LDB2: variants seen among roughly 807,000 people sequenced by gnomAD.
The protein encoded by LDB2 is LIM domain binding 2.
A neutral mutation model predicts 44.3 loss-of-function variants in LDB2; 12 were observed. That is an observed-to-expected ratio of 0.27 (90% CI 0.17 to 0.44). The LOEUF (loss-of-function observed/expected upper bound fraction) is 0.44, where lower values mean the gene tolerates loss of function less well. LDB2 is among the 20% of genes least tolerant of loss of function. The pLI is 1.00. For synonymous variants in LDB2, 164 were observed against 174.8 expected (o/e 0.94, Z 0.49); for missense variants, 344 against 473.5 (o/e 0.73, Z 2.54).
intron 2 of LDB2, among the ~76,000 whole-genome samples, chr4:16,733,354 A>G (rs1463412968): frequency 1.3e-5 from 1 of 78,842 alleles, no homozygotes; most frequent in Non-Finnish European, 3.6e-5. Context: ...AAGAATTTGG[A>G]AAAAAAAAAA....
At chr4:16,837,634 A>G (rs1186460970) in intron 1 of LDB2, among the ~76,000 whole-genome samples, 1 of 152,214 alleles carries the variant, frequency 6.6e-6, no homozygotes, top group Non-Finnish European at 1.5e-5. Context: ...TAGCCCAACC[A>G]ACACCCAACA....
intron 2 of LDB2, among the ~76,000 whole-genome samples, chr4:16,673,250 A>G (rs546834294): frequency 1.1e-4 from 17 of 152,372 alleles, no homozygotes; most frequent in African/African-American, 2.6e-4. Flanking sequence ...TCAGCCAGAC[A>G]TCTTACCTTC....
At chr4:16,516,030 A>AT (rs1413476001) in intron 5 of LDB2, among the ~76,000 whole-genome samples, 1 of 151,642 alleles carries the variant, frequency 6.6e-6, no homozygotes, top group Non-Finnish European at 1.5e-5. Flanking sequence ...CGCCCAGCTA[A>AT]TTTTTTGTAT....
At chr4:16,541,137 G>A (rs141990537) in intron 5 of LDB2, among the ~76,000 whole-genome samples, 9 of 152,258 alleles carry the variant, frequency 5.9e-5, no homozygotes, top group Admixed American at 1.3e-4. Context: ...TTGGATATAT[G>A]TCCCCACCAA....
At chr4:16,851,657 G>T (rs1431847685) in intron 1 of LDB2, among the ~76,000 whole-genome samples, 1 of 152,006 alleles carries the variant, frequency 6.6e-6, no homozygotes, top group African/African-American at 2.4e-5. Flanking sequence ...AAACACAAAA[G>T]ATGTCATTAG....
chr4:16,657,764 G>A (rs1484927652), intron 2 of LDB2, among the ~76,000 whole-genome samples: 4 of 152,184 alleles, frequency 2.6e-5, no homozygotes, highest in Admixed American at 1.3e-4. Context: ...TTGATTAAAC[G>A]AATGAATGGA....
intron 1 of LDB2, among the ~76,000 whole-genome samples, chr4:16,838,998 C>G (rs931061447): frequency 1.3e-5 from 2 of 152,204 alleles, no homozygotes; most frequent in East Asian, 1.9e-4. Context: ...AGACCAGCTT[C>G]CCCAAGCATA....
chr4:16,598,209 T>A (rs1181194107), intron 2 of LDB2, among the ~76,000 whole-genome samples: 1 of 152,226 alleles, frequency 6.6e-6, no homozygotes, highest in Non-Finnish European at 1.5e-5. Context: ...GGCATGACTA[T>A]CCTTGTATCA....
chr4:16,686,735 G>A (rs140725439), intron 2 of LDB2, among the ~76,000 whole-genome samples: 1 of 152,148 alleles, frequency 6.6e-6, no homozygotes, highest in Non-Finnish European at 1.5e-5. Flanking sequence ...CTGAATGAAT[G>A]AATGAATCAA....
chr4:16,742,294 A>T (rs1291772022), intron 2 of LDB2, among the ~76,000 whole-genome samples: 3 of 149,952 alleles, frequency 2.0e-5, no homozygotes, highest in Non-Finnish European at 4.4e-5. Context: ...ATGGTCTTGA[A>T]CTCCTGACCT....
chr4:16,618,616 A>G (rs1728029264), intron 2 of LDB2, among the ~76,000 whole-genome samples: 1 of 152,188 alleles, frequency 6.6e-6, no homozygotes, highest in Non-Finnish European at 1.5e-5. Flanking sequence ...AGGTGACAGA[A>G]TCTGCTCTGC....
intron 5 of LDB2, among the ~76,000 whole-genome samples, chr4:16,559,417 T>A (rs1025498035): frequency 6.6e-6 from 1 of 152,290 alleles, no homozygotes; most frequent in Admixed American, 6.5e-5. Context: ...GTTGCAATCC[T>A]AGTCTCTGAC....
intron 2 of LDB2, among the ~76,000 whole-genome samples, chr4:16,720,492 C>T (rs1026099289): frequency 1.3e-5 from 2 of 152,216 alleles, no homozygotes; most frequent in African/African-American, 4.8e-5. Flanking sequence ...TGTCTCCTAC[C>T]GGTTTTGTTT....
At chr4:16,579,225 A>G (rs4698495) in intron 5 of LDB2, among the ~76,000 whole-genome samples, 69,200 of 152,066 alleles carry the variant, frequency 0.46, 16,978 homozygotes, top group Middle Eastern at 0.68. Flanking sequence ...GGTGATGGAT[A>G]CCGTATTTAC....
At chr4:16,706,244 C>T (rs912618274) in intron 2 of LDB2, among the ~76,000 whole-genome samples, 1 of 152,134 alleles carries the variant, frequency 6.6e-6, no homozygotes, top group Non-Finnish European at 1.5e-5. Context: ...GAAGTCCTAA[C>T]CTTCAAGGTA....
intron 5 of LDB2, among the ~76,000 whole-genome samples, chr4:16,547,179 C>T (rs975478669): frequency 1.9e-4 from 29 of 152,000 alleles, no homozygotes; most frequent in African/African-American, 6.8e-4. Context: ...GAGAGACAGC[C>T]GTGTGAAGAG....
rs1315288524 is a variant in LDB2 at position 16,659,671 on chromosome 4, G to GTGTGTATATATATATATATATATATA, written c.236-63797_236-63796insTATATATATATATATATATATACACA. Among the ~76,000 whole-genome samples, 870 of 132,870 alleles carry GTGTGTATATATATATATATATATATA rather than the reference G, an allele frequency of 6.5e-3. 14 individuals carry two copies. The highest frequency in any genetic ancestry group is 0.025 in the African/African-American group (799 of 32,504). The allele number at this position is 132,870 out of a possible 152,430, so 87.2% of individuals were successfully genotyped here. On this transcript the variant is annotated intron_variant, in intron 2 of 7. Transcript: ENST00000304523. ...CACACATATGAGTATATCTATGTGT[G>GTGTGTATATATATATATATATATATA]TATATATATATATATATATATGTAT...
At chr4:16,622,821 C>T (rs1729258869) in intron 2 of LDB2, among the ~76,000 whole-genome samples, 1 of 152,152 alleles carries the variant, frequency 6.6e-6, no homozygotes. Context: ...AAATAGTTGC[C>T]TGTAATTTTA....
chr4:16,559,875 C>T (rs1324247444), intron 5 of LDB2, among the ~76,000 whole-genome samples: 1 of 152,100 alleles, frequency 6.6e-6, no homozygotes, highest in Non-Finnish European at 1.5e-5. Context: ...TCTCTCAGAC[C>T]ACAATGCAAT....
Sources: allele counts gnomAD v4.1 joint callset (sites outside exome capture counted in the v4.1 genomes callset), GRCh38; gene constraint gnomAD v4.1.1; transcripts MANE v1.5; gene names NCBI Gene and HGNC (gene_info 2026-07-23, HGNC 2026-07-21).